OR5B2: variants seen among roughly 807,000 people sequenced by gnomAD.
OR5B2 encodes the protein olfactory receptor family 5 subfamily B member 2.
For missense variants in OR5B2, 411 were observed against 367.0 expected (o/e 1.12, Z -0.98); for synonymous variants, 163 against 140.8 (o/e 1.16, Z -1.11).
intron 2 of OR5B2, among the ~76,000 whole-genome samples, chr11:58,424,205 G>A (rs1855313715): frequency 1.3e-5 from 2 of 152,122 alleles, no homozygotes; most frequent in African/African-American, 4.8e-5. Context: ...TAAACAAAAT[G>A]TTAAATGTTT....
chr11:58,422,321 A>G lies in OR5B2; in HGVS notation c.*11T>C, dbSNP rs764911604. 6.3e-7 allele frequency: 1 copy of G among 1,575,914 alleles called. No individual in the cohort carries two copies. Among genetic ancestry groups the G allele is most frequent in the Non-Finnish European group, 8.7e-7 (1 of 1,149,076 alleles). ...CATTTTTGTGTATACAACAATGTTA[A>G]AATTCCAAACTTATAGAAATTTTTG... On this transcript the variant is annotated 3_prime_UTR_variant, in exon 3 of 3. Transcript: ENST00000641342.
At position 58,423,006 on chromosome 11, in the gene OR5B2, C is replaced by T. The variant is rs1159500849; in HGVS notation, c.256G>A (p.Gly86Arg). 1.2e-6 allele frequency: 2 copies of T among 1,613,658 alleles called. No homozygotes were observed. The highest frequency in any genetic ancestry group is 1.7e-6 in the Non-Finnish European group (2 of 1,179,826). Residue 86 changes from glycine (G) to arginine (R), a missense_variant, in exon 3 of 3, where the codon GGA becomes AGA. Gly to Arg is a moderately radical substitution (Grantham distance 125, BLOSUM62 -2). Transcript: ENST00000641342. Reference protein sequence around the residue: ...TPKVMAGFLRGDKVISYNACA... With the variant: ...TPKVMAGFLRRDKVISYNACA... ...GCATTGTAGGAGATGACCTTGTCTC[C>T]TCTAAGGAACCCAGCCATGACCTTG... is the stretch of plus-strand genomic sequence containing the variant.
chr11:58,426,153 G>A (rs1157655565), intron 2 of OR5B2, among the ~76,000 whole-genome samples: 1 of 145,802 alleles, frequency 6.9e-6, no homozygotes, highest in Admixed American at 6.7e-5. Context: ...TTTTTTGTGT[G>A]TATAAGGGTT....
rs1855293801 is a variant in OR5B2, at chr11:58,422,838, G to A, written c.424C>T (p.Leu142=). 6.2e-7 allele frequency: 1 copy of A among 1,613,776 alleles called. No individual in the cohort carries two copies. The highest frequency in any genetic ancestry group is 8.5e-7 in the Non-Finnish European group (1 of 1,179,852). The change falls in exon 3 of 3, where the codon CTG becomes TTG. Residue 142 remains leucine, a synonymous_variant. Transcript: ENST00000641342. ...TTMTASVGAC[L]ALGSYVCGFL... The stretch of plus-strand genomic sequence containing the variant: ...CCACAGACATATGAGCCTAGGGCCA[G>A]ACAGGCACCTACACTGGCCGTCATG...
intron 2 of OR5B2, among the ~76,000 whole-genome samples, chr11:58,426,003 C>T (rs1855332496): frequency 6.6e-6 from 1 of 152,110 alleles, no homozygotes; most frequent in Non-Finnish European, 1.5e-5. Flanking sequence ...TAACACAGAA[C>T]CATGTATTTT....
intron 2 of OR5B2, among the ~76,000 whole-genome samples, chr11:58,426,161 G>GTTTTT (rs1453122839): frequency 6.9e-6 from 1 of 143,920 alleles, no homozygotes; most frequent in African/African-American, 3.0e-5. Context: ...GTGTATAAGG[G>GTTTTT]TTTTGTTTTT....
Position 58,422,395 on chromosome 11 carries a change from G to T in OR5B2, c.867C>A (p.Ser289Arg). The T allele has an allele frequency of 1.2e-6, 2 of 1,613,482 alleles. No homozygotes were observed. The highest frequency in any genetic ancestry group is 2.2e-5 in the South Asian group (2 of 91,054). ...CATTCTGGACTTCTCTGTTCCTCAG[G>T]CTGTAGACCACAGGGTTCAGCATGG... Reference protein sequence around the residue: ...IIPMLNPVVYSLRNREVQNAF... With the variant: ...IIPMLNPVVYRLRNREVQNAF... The change falls in exon 3 of 3, where the codon AGC becomes AGA. Residue 289 changes from serine (S) to arginine (R), a missense_variant. Transcript: ENST00000641342.
In OR5B2 at chr11:58,421,565, A is replaced by G. The variant is rs1855272213; in HGVS notation, c.*767T>C. ...AGTAAGTAGAGCATAGAAGAGCTTTAGAGCAGTGAAACTACTCAATATGAT... is the reference window on the plus strand; with the variant it reads ...AGTAAGTAGAGCATAGAAGAGCTTTGGAGCAGTGAAACTACTCAATATGAT... On this transcript the variant is annotated 3_prime_UTR_variant, in exon 3 of 3. Transcript: ENST00000641342. The G allele has an allele frequency of 6.6e-6, 1 of 152,278 alleles. No individual in the cohort carries two copies. The highest frequency in any genetic ancestry group is 1.9e-4 in the East Asian group (1 of 5,178). The allele number at this position is 152,278 out of a possible 1,614,324, so 9.4% of individuals were successfully genotyped here.
intron 2 of OR5B2, among the ~76,000 whole-genome samples, chr11:58,424,511 C>CTA (rs1270515360): frequency 6.6e-6 from 1 of 152,074 alleles, no homozygotes; most frequent in Non-Finnish European, 1.5e-5. Flanking sequence ...GGTTTCGCAG[C>CTA]ATCTCCTTTA....
At chr11:58,423,387 T>C in intron 2 of OR5B2, 98 bp from the exon 3 acceptor site, 1 of 557,160 alleles carries the variant, frequency 1.8e-6, no homozygotes, top group East Asian at 2.9e-5. Flanking sequence ...AGCAACAATT[T>C]GTACTTCAAA....
chr11:58,423,322 TAAAC>T, intron 2 of OR5B2, 33 bp from the exon 3 acceptor site: 1 of 1,029,000 alleles, frequency 9.7e-7, no homozygotes, highest in Non-Finnish European at 1.4e-6. Flanking sequence ...AATAGAGTGA[TAAAC>T]AAAAAAAGAG....
Position 58,422,484 on chromosome 11 carries a change from G to A in OR5B2, c.778C>T (p.Pro260Ser), listed in dbSNP as rs1855286316. Residue 260 changes from proline (P) to serine (S), a missense_variant, in exon 3 of 3, where the codon CCC (proline) becomes TCC (serine). Pro to Ser is a moderately conservative substitution (Grantham distance 74). Transcript: ENST00000641342. Reference protein sequence around the residue: ...YGTVIFIYLQPSSSHSMDTDK... With the variant: ...YGTVIFIYLQSSSSHSMDTDK... ...GTGTCCATGGAGTGGCTGGAGCTGGGCTGCAAGTAGATGAAGATTACTGTC... is the reference window on the plus strand; with the variant it reads ...GTGTCCATGGAGTGGCTGGAGCTGGACTGCAAGTAGATGAAGATTACTGTC... 6.2e-7 allele frequency: 1 copy of A among 1,613,636 alleles called. No individual in the cohort carries two copies. Among genetic ancestry groups the A allele is most frequent in the South Asian group, 1.1e-5 (1 of 91,080 alleles).
chr11:58,423,118 C>G lies in OR5B2; in HGVS notation c.144G>C (p.Leu48=), dbSNP rs755567620. The G allele has an allele frequency of 3.7e-6, 6 of 1,613,700 alleles. No homozygotes were observed. In the South Asian group the frequency reaches 6.6e-5, roughly 18 times the overall value. ...CGNLGMMLLI[L]MDSCLHTPMY... ...TGGGGGTGTGGAGACAAGAGTCCATCAGGATCAGCAACATCATCCCCAGGT... is the reference window on the plus strand; with the variant it reads ...TGGGGGTGTGGAGACAAGAGTCCATGAGGATCAGCAACATCATCCCCAGGT... The change falls in exon 3 of 3, where the codon CTG becomes CTC. Residue 48 remains leucine, a synonymous_variant. Transcript: ENST00000641342.
At chr11:58,427,299 T>C (rs557249593) in intron 1 of OR5B2, among the ~76,000 whole-genome samples, 2 of 152,284 alleles carry the variant, frequency 1.3e-5, no homozygotes, top group African/African-American at 4.8e-5. Context: ...CTCAGGGTTA[T>C]TTCTTCTTGG....
At position 58,422,020 on chromosome 11, in the gene OR5B2, T is replaced by C. The variant is rs533486987; in HGVS notation, c.*312A>G. The C allele has an allele frequency of 6.0e-4, 123 of 205,482 alleles. No homozygotes were observed. The highest frequency in any genetic ancestry group is 1.0e-3 in the Non-Finnish European group (104 of 101,764). 12.7% of individuals were successfully genotyped at this position (205,482 alleles called of 1,614,324 possible). ...TTGTGGGCTTGTTGGTGTCCCTGTT[T>C]AACAAGTATGTTTGCACTGGAATGT... On this transcript the variant is annotated 3_prime_UTR_variant, in exon 3 of 3. Transcript: ENST00000641342.
Position 58,422,487 on chromosome 11 carries a change from G to GC in OR5B2, c.774dup (p.Gln259AlafsTer57), listed in dbSNP as rs1565156761. The GC allele has an allele frequency of 6.2e-7, 1 of 1,613,752 alleles. No individual in the cohort carries two copies. Among genetic ancestry groups the GC allele is most frequent in the South Asian group, 1.1e-5 (1 of 91,080 alleles). ...TCCATGGAGTGGCTGGAGCTGGGCT[G>GC]CAAGTAGATGAAGATTACTGTCCCA... On this transcript the variant is annotated frameshift_variant, in exon 3 of 3. Transcript: ENST00000641342. LOFTEE classifies it low-confidence loss of function (END_TRUNC).
intron 1 of OR5B2, among the ~76,000 whole-genome samples, chr11:58,427,510 G>C (rs1043226677): frequency 1.3e-5 from 2 of 152,144 alleles, no homozygotes; most frequent in Non-Finnish European, 2.9e-5. Flanking sequence ...TAATAAAACA[G>C]AGATGAGTAT....
At chr11:58,424,709 C>G (rs565434368) in intron 2 of OR5B2, among the ~76,000 whole-genome samples, 8 of 152,226 alleles carry the variant, frequency 5.3e-5, no homozygotes, top group Middle Eastern at 3.4e-3. Flanking sequence ...CATTCATCCT[C>G]TAACTACTAT....
At chr11:58,426,138 A>C (rs2119944147) in intron 2 of OR5B2, among the ~76,000 whole-genome samples, 1 of 150,422 alleles carries the variant, frequency 6.6e-6, no homozygotes, top group Non-Finnish European at 1.5e-5. Flanking sequence ...TTCTAAGCAC[A>C]TGGATTTTTT....
Sources: gnomAD v4.1 joint callset for allele counts (sites outside exome capture counted in the v4.1 genomes callset) on GRCh38, gnomAD v4.1.1 for gene constraint, MANE v1.5 for transcripts, NCBI Gene and HGNC (gene_info 2026-07-23, HGNC 2026-07-21) for gene names.